The following ZNF273 variants were observed in gnomAD, a reference collection of about 807,000 sequenced individuals.
The protein encoded by ZNF273 is zinc finger protein 9.
ZNF273 carries 11 observed loss-of-function variants against 14.9 expected under a neutral mutation model. The ratio of observed to expected loss-of-function variants is 0.74; its 90% confidence interval spans 0.46 to 1.22. The LOEUF (loss-of-function observed/expected upper bound fraction) is 1.22. Among genes scored for constraint, ZNF273 ranks in the 50% most tolerant of loss-of-function variants. ZNF273 has a pLI of 0.00. For missense variants in ZNF273, 577 were observed against 660.6 expected, an observed-to-expected ratio of 0.87 and a Z score of 1.39; for synonymous variants, 199 against 223.9, an observed-to-expected ratio of 0.89 and a Z score of 0.99.
At chr7:64,906,432 C>T (rs1793115313) in intron 1 of ZNF273, among the ~76,000 whole-genome samples, 1 of 152,142 alleles carries the variant, frequency 6.6e-6, no homozygotes, top group African/African-American at 2.4e-5. Flanking sequence ...AAAATGTAAA[C>T]ACCTTAAAAT....
At chr7:64,910,521 G>A (rs182844843) in intron 1 of ZNF273, among the ~76,000 whole-genome samples, 64 of 152,144 alleles carry the variant, frequency 4.2e-4, no homozygotes, top group Non-Finnish European at 6.8e-4. Flanking sequence ...TGTTGCATTG[G>A]TCTATGAGCC....
Position 64,917,661 on chromosome 7 carries a change from G to T in ZNF273, c.183G>T (p.Leu61Phe), listed in dbSNP as rs1300947763. The stretch of plus-strand genomic sequence containing the variant: ...GCCTGGACACTTCACAGCAGAATTT[G>T]TATAGGAATGTGATGTTAGATAACT... The part of the protein sequence containing the change: ...WQCLDTSQQN[L>F]YRNVMLDNYR... Residue 61 changes from leucine to phenylalanine, a missense_variant, in exon 2 of 4, where the codon TTG becomes TTT. Leu to Phe is a conservative substitution (Grantham distance 22). Transcript: ENST00000476120. 6 of 1,599,310 alleles carry T rather than the reference G, an allele frequency of 3.8e-6. No individual in the cohort carries two copies. In the East Asian group the frequency reaches 1.4e-4, roughly 36 times the overall value.
chr7:64,912,158 C>T lies in ZNF273; in HGVS notation c.103-5423C>T, dbSNP rs146713566. 2.2e-4 allele frequency among the ~76,000 whole-genome samples: 33 copies of T among 152,264 alleles called. No individual in the cohort carries two copies. The East Asian group carries it at 4.6e-3, about 21-fold the overall frequency. ...AATTTTAATAGAGTCGACGTGGTTT[C>T]ACCATGTTGGCCAGGCTGGTCTTGA... On this transcript the variant is annotated intron_variant, in intron 1 of 3. Transcript: ENST00000476120.
intron 1 of ZNF273, among the ~76,000 whole-genome samples, chr7:64,913,977 TTATTAGATTGGTGCAAAAG>T (rs1261295692): frequency 6.6e-6 from 1 of 152,032 alleles, no homozygotes; most frequent in Admixed American, 6.6e-5. Context: ...GTTGTTTTAA[TTATTAGATTGGTGCAAAAG>T]TAATTGTCGT....
intron 1 of ZNF273, among the ~76,000 whole-genome samples, chr7:64,907,932 C>A (rs889967318): frequency 6.6e-6 from 1 of 152,236 alleles, no homozygotes; most frequent in African/African-American, 2.4e-5. Context: ...CACCCACTCT[C>A]AAACATACGC....
Position 64,917,759 on chromosome 7 carries a change from G to T in ZNF273, c.229+52G>T. ...AAAGGTTTCACTTCTCCTTTCTGTA[G>T]AATGTTTTTTGGAAATTTCTGCTTT... On this transcript the variant is annotated intron_variant, in intron 2 of 3. Coordinates refer to ENST00000476120, the MANE Select transcript of ZNF273 (RefSeq NM_021148.3). The T allele has an allele frequency of 2.0e-6, 3 of 1,499,678 alleles. No homozygotes were observed. In the South Asian group the frequency reaches 3.7e-5, roughly 18 times the overall value. The allele number at this position is 1,499,678 out of a possible 1,614,324, so 92.9% of individuals were successfully genotyped here.
In ZNF273 at chr7:64,903,284, C is replaced by T; in HGVS notation, c.-34C>T. The T allele has an allele frequency of 1.9e-6, 3 of 1,550,194 alleles. No homozygotes were observed. The highest frequency in any genetic ancestry group is 2.7e-6 in the Non-Finnish European group (3 of 1,125,846). Reference sequence around the variant, plus strand: ...TTGGCGGGGCCTTTGTCTCTCGCTGCAGTCGCAGCTCCAGGTCTCGTCTTC... The same window carrying T: ...TTGGCGGGGCCTTTGTCTCTCGCTGTAGTCGCAGCTCCAGGTCTCGTCTTC... On this transcript the variant is annotated 5_prime_UTR_variant, in exon 1 of 4. Coordinates refer to ENST00000476120, the MANE Select transcript of ZNF273 (RefSeq NM_021148.3).
At chr7:64,897,816 C>CCAGTCTCCCGTCT (rs1302818319) in exon 4 of ZNF273, 2 of 150,640 alleles carry the variant, frequency 1.3e-5, no homozygotes, top group African/African-American at 4.9e-5. Flanking sequence ...TGGGTTCACG[C>CCAGTCTCCCGTCT]CAGTCTCCCG....
At chr7:64,889,377 C>T (rs1257026791), downstream of ZNF273, 2 of 975,468 alleles carry the variant, frequency 2.1e-6, no homozygotes, top group African/African-American at 3.5e-5. The surrounding 1 kb of genome is among the most constrained non-coding windows in gnomAD (Gnocchi z 4.2). Flanking sequence ...CCGGGGTCAT[C>T]TGGCAGGGCC....
intron 1 of ZNF273, among the ~76,000 whole-genome samples, chr7:64,912,826 G>GTTATTTTTTTTTTTTTTTTTTTTTTTTT: frequency 2.7e-5 from 1 of 36,568 alleles, no homozygotes; most frequent in Non-Finnish European, 5.7e-5. Flanking sequence ...ATTCATTTTA[G>GTTATTTTTTTTTTTTTTTTTTTTTTTTT]TTTTTTTTTT....
At chr7:64,914,729 T>A (rs1419786882) in intron 1 of ZNF273, among the ~76,000 whole-genome samples, 1 of 152,160 alleles carries the variant, frequency 6.6e-6, no homozygotes, top group Non-Finnish European at 1.5e-5. Context: ...TTTGCTGTTA[T>A]AAAGAACAGA....
intron 1 of ZNF273, among the ~76,000 whole-genome samples, chr7:64,914,925 C>T (rs1384768444): frequency 2.2e-5 from 3 of 133,358 alleles, no homozygotes; most frequent in Non-Finnish European, 4.6e-5. Context: ...AAAAAATGGC[C>T]TTTTTTTTTT....
At chr7:64,882,002 C>G (rs1313997982), downstream of ZNF273, among the ~76,000 whole-genome samples, 1 of 152,182 alleles carries the variant, frequency 6.6e-6, no homozygotes, top group East Asian at 1.9e-4. Flanking sequence ...GGTGAGACCT[C>G]TTCTCCACCG....
At chr7:64,906,132 AAAAT>A (rs1793096166) in intron 1 of ZNF273, among the ~76,000 whole-genome samples, 1 of 152,248 alleles carries the variant, frequency 6.6e-6, no homozygotes, top group Non-Finnish European at 1.5e-5. Context: ...TTGGCTGTAG[AAAAT>A]AAATACTTTT....
chr7:64,917,786 CATAA>C lies in ZNF273; in HGVS notation c.229+86_229+89del, dbSNP rs1457121903. The C allele has an allele frequency of 2.1e-6, 3 of 1,440,576 alleles. No individual in the cohort carries two copies. The African/African-American group carries it at 4.4e-5, about 21-fold the overall frequency. 89.2% of individuals were successfully genotyped at this position (1,440,576 alleles called of 1,614,324 possible). A position where few individuals can be genotyped will look rare whatever the true frequency, so the allele number is the denominator to read the frequency against. Reference sequence around the variant, plus strand: ...ATGTTTTTTGGAAATTTCTGCTTTGCATAAATAAATTTTAGATCCCTATTTTCAA... The same window carrying C: ...ATGTTTTTTGGAAATTTCTGCTTTGCATAAATTTTAGATCCCTATTTTCAA... On this transcript the variant is annotated intron_variant, in intron 2 of 3. Transcript: ENST00000476120.
chr7:64,909,386 G>A (rs1793333754), intron 1 of ZNF273, among the ~76,000 whole-genome samples: 1 of 151,940 alleles, frequency 6.6e-6, no homozygotes, highest in Admixed American at 6.6e-5. Flanking sequence ...CACCATGCCT[G>A]GCTAATTTGT....
downstream of ZNF273, chr7:64,889,825 C>A: frequency 1.1e-6 from 1 of 950,466 alleles, no homozygotes; most frequent in Non-Finnish European, 1.3e-6. The surrounding 1 kb of genome is among the most constrained non-coding windows in gnomAD (Gnocchi z 4.2). Context: ...GGGTTAAATT[C>A]GGGCAAGTCA....
chr7:64,890,207 T>A, downstream of ZNF273: 1 of 31,814 alleles, frequency 3.1e-5, no homozygotes. Context: ...TGTGTGTGTG[T>A]GTGTGTGTGT....
intron 1 of ZNF273, among the ~76,000 whole-genome samples, chr7:64,905,623 A>G (rs1005616373): frequency 1.6e-4 from 25 of 152,122 alleles, no homozygotes; most frequent in Admixed American, 9.2e-4. Flanking sequence ...AAACTAAAAA[A>G]AACTTACTCC....
Sources: allele counts gnomAD v4.1 joint callset (sites outside exome capture counted in the v4.1 genomes callset), GRCh38; gene constraint gnomAD v4.1.1; non-coding constraint Gnocchi (gnomAD v3.1); transcripts MANE v1.5; gene names NCBI Gene and HGNC (gene_info 2026-07-23, HGNC 2026-07-21).